Variants in SCHIP1 observed in about 807,000 individuals in gnomAD.
The protein encoded by SCHIP1 is schwannomin interacting protein 1.
Under a neutral mutation model 29.7 loss-of-function variants are expected in SCHIP1, and 8 were observed. The observed-to-expected ratio is 0.27, with a 90% CI of 0.16 to 0.49. SCHIP1 has a LOEUF of 0.49. Among genes scored for constraint, SCHIP1 ranks in the 20% least tolerant of loss-of-function variants. The probability of loss-of-function intolerance (pLI) is 0.99; values close to 1 mark genes in which losing one functional copy is unlikely to be tolerated. For missense variants in SCHIP1, 193 were observed against 294.6 expected (o/e 0.66, Z 2.52); for synonymous variants, 76 against 94.9 (o/e 0.80, Z 1.16).
chr3:159,628,707 C>T, the SCHIP1 span, among the ~76,000 whole-genome samples: 1 of 152,088 alleles, frequency 6.6e-6, no homozygotes. Flanking sequence ...CATGTAGACA[C>T]ATAGCTATTA....
At chr3:159,513,989 G>T in the SCHIP1 span, among the ~76,000 whole-genome samples, 1 of 152,172 alleles carries the variant, frequency 6.6e-6, no homozygotes, top group African/African-American at 2.4e-5. Flanking sequence ...AACAAATTAG[G>T]CTATCTTGAT....
the SCHIP1 span, among the ~76,000 whole-genome samples, chr3:159,604,475 T>A: frequency 2.0e-5 from 3 of 152,140 alleles, no homozygotes; most frequent in Admixed American, 2.0e-4. Context: ...CTCACTTAAC[T>A]GGCATTGCTG....
the SCHIP1 span, among the ~76,000 whole-genome samples, chr3:159,282,219 T>C: frequency 2.0e-5 from 3 of 152,074 alleles, no homozygotes; most frequent in African/African-American, 4.8e-5. Flanking sequence ...TATATATTGT[T>C]ACATCCCTAG....
At chr3:159,496,888 A>T in the SCHIP1 span, among the ~76,000 whole-genome samples, 2 of 152,214 alleles carry the variant, frequency 1.3e-5, no homozygotes, top group Non-Finnish European at 2.9e-5. Context: ...GGATTAAGAA[A>T]ATGTGGCACA....
chr3:159,279,403 A>G, the SCHIP1 span, among the ~76,000 whole-genome samples: 2 of 152,198 alleles, frequency 1.3e-5, no homozygotes, highest in Non-Finnish European at 2.9e-5. Context: ...TAAATTACCC[A>G]GTCTCGGATA....
the SCHIP1 span, among the ~76,000 whole-genome samples, chr3:159,760,630 C>T: frequency 6.6e-6 from 1 of 152,170 alleles, no homozygotes; most frequent in African/African-American, 2.4e-5. Context: ...CTGTTAAGCT[C>T]CTATTCCATT....
At chr3:159,719,162 G>A in the SCHIP1 span, among the ~76,000 whole-genome samples, 194 of 152,220 alleles carry the variant, frequency 1.3e-3, 1 homozygote, top group African/African-American at 4.5e-3. Context: ...AATGGTGCTG[G>A]GAAAACTGGC....
At chr3:159,786,339 T>C in the SCHIP1 span, among the ~76,000 whole-genome samples, 1 of 152,256 alleles carries the variant, frequency 6.6e-6, no homozygotes, top group Non-Finnish European at 1.5e-5. Context: ...CTTATTGTGA[T>C]GGTCATCTGG....
chr3:159,780,305 T>G, the SCHIP1 span, among the ~76,000 whole-genome samples: 2 of 152,212 alleles, frequency 1.3e-5, no homozygotes, highest in Non-Finnish European at 2.9e-5. Flanking sequence ...TGTTTCTACT[T>G]GTTTCCAAAG....
the SCHIP1 span, among the ~76,000 whole-genome samples, chr3:159,656,732 C>A: frequency 7.9e-5 from 12 of 152,104 alleles, no homozygotes; most frequent in Admixed American, 7.9e-4. Context: ...ATGTTGGTTC[C>A]AGAGTTGCCA....
the SCHIP1 span, among the ~76,000 whole-genome samples, chr3:159,528,384 A>G: frequency 5.3e-5 from 8 of 152,144 alleles, no homozygotes; most frequent in Non-Finnish European, 1.0e-4. Context: ...GAATGACACC[A>G]CCATCAAGAT....
the SCHIP1 span, among the ~76,000 whole-genome samples, chr3:159,305,498 T>C: frequency 2.0e-5 from 3 of 152,240 alleles, no homozygotes; most frequent in African/African-American, 7.2e-5. Flanking sequence ...TTTTTCTGTC[T>C]AAAGCGAATC....
the SCHIP1 span, among the ~76,000 whole-genome samples, chr3:159,491,438 T>A: frequency 6.6e-6 from 1 of 152,184 alleles, no homozygotes; most frequent in East Asian, 1.9e-4. Context: ...GTTTAACAAA[T>A]GGCACACCAG....
At chr3:159,645,545 C>T in the SCHIP1 span, among the ~76,000 whole-genome samples, 2 of 152,082 alleles carry the variant, frequency 1.3e-5, no homozygotes, top group South Asian at 2.1e-4. Context: ...GTCTTTCAAT[C>T]GTCTACACAT....
At chr3:159,583,037 T>C in the SCHIP1 span, among the ~76,000 whole-genome samples, 2 of 152,118 alleles carry the variant, frequency 1.3e-5, no homozygotes, top group Non-Finnish European at 2.9e-5. Flanking sequence ...TAAAAGCTTT[T>C]GTATCCTCCA....
At chr3:159,381,937 C>T in the SCHIP1 span, among the ~76,000 whole-genome samples, 10 of 152,106 alleles carry the variant, frequency 6.6e-5, no homozygotes, top group African/African-American at 2.2e-4. Context: ...AACAGGTCTC[C>T]TTGCTTCACA....
At chr3:159,646,929 C>T in the SCHIP1 span, among the ~76,000 whole-genome samples, 1 of 152,076 alleles carries the variant, frequency 6.6e-6, no homozygotes, top group Non-Finnish European at 1.5e-5. Context: ...AGTGCACCAG[C>T]ACTGTCTGCC....
chr3:159,306,798 GTGTACAGCA>G, the SCHIP1 span, among the ~76,000 whole-genome samples: 2 of 152,176 alleles, frequency 1.3e-5, no homozygotes, highest in Non-Finnish European at 1.5e-5. Flanking sequence ...ATTAAGCTCA[GTGTACAGCA>G]TGTAGCAATA....
chr3:159,760,964 G>A, the SCHIP1 span, among the ~76,000 whole-genome samples: 1 of 152,228 alleles, frequency 6.6e-6, no homozygotes, highest in Non-Finnish European at 1.5e-5. Context: ...ACGGGCACGT[G>A]CGAATGTCAC....
Sources: gnomAD v4.1 joint callset for allele counts (sites outside exome capture counted in the v4.1 genomes callset) on GRCh38, gnomAD v4.1.1 for gene constraint, MANE v1.5 for transcripts, NCBI Gene and HGNC (gene_info 2026-07-23, HGNC 2026-07-21) for gene names.